The following RBFOX1 variants were observed in gnomAD, a reference collection of about 807,000 sequenced individuals.
RBFOX1 encodes the protein RNA binding fox-1 homolog 1, also known as RNA binding protein fox-1 homolog 1.
Under a neutral mutation model 57.7 loss-of-function variants are expected in RBFOX1, and 8 were observed. The observed-to-expected ratio is 0.14, with a 90% confidence interval of 0.08 to 0.25. RBFOX1 has a LOEUF of 0.25. Ranked by LOEUF, RBFOX1 falls within the 10% of genes least tolerant of loss-of-function variation. The pLI is 1.00. For missense variants in RBFOX1, 611 were observed against 548.5 expected (o/e 1.11, Z -1.14); for synonymous variants, 326 against 222.4 (o/e 1.47, Z -4.15).
intron 1 of RBFOX1, among the ~76,000 whole-genome samples, chr16:6,234,145 A>T (rs2152911750): frequency 6.6e-6 from 1 of 152,182 alleles, no homozygotes; most frequent in Non-Finnish European, 1.5e-5. Context: ...TCACCTCTTA[A>T]AGCCCCCACC....
At chr16:6,925,017 T>G (rs2075280457) in intron 3 of RBFOX1, among the ~76,000 whole-genome samples, 1 of 149,410 alleles carries the variant, frequency 6.7e-6, no homozygotes, top group African/African-American at 2.5e-5. Flanking sequence ...GGACATGAAC[T>G]CATCATTTTT....
chr16:5,659,381 G>A (rs1195307971), intron 3 of RBFOX1, among the ~76,000 whole-genome samples: 1 of 147,470 alleles, frequency 6.8e-6, no homozygotes, highest in African/African-American at 2.5e-5. Flanking sequence ...CCCGCTCACT[G>A]CAACCTCTGC....
chr16:5,920,334 A>G (rs746231633), intron 4 of RBFOX1, among the ~76,000 whole-genome samples: 8 of 151,988 alleles, frequency 5.3e-5, no homozygotes, highest in Non-Finnish European at 7.4e-5. Flanking sequence ...GAGAGATCCT[A>G]CTTTGTTTAT....
intron 4 of RBFOX1, among the ~76,000 whole-genome samples, chr16:7,064,700 C>T (rs565468081): frequency 6.6e-5 from 10 of 152,232 alleles, no homozygotes; most frequent in East Asian, 1.9e-4. Flanking sequence ...CCCTAGCAAA[C>T]GCACATCTAA....
intron 4 of RBFOX1, among the ~76,000 whole-genome samples, chr16:5,903,630 C>A (rs112895114): frequency 6.6e-6 from 1 of 152,094 alleles, no homozygotes; most frequent in African/African-American, 2.4e-5. Flanking sequence ...TATGAGAACT[C>A]AGAGGCTGAA....
intron 1 of RBFOX1, among the ~76,000 whole-genome samples, chr16:5,462,459 C>T (rs1233920814): frequency 2.0e-5 from 3 of 152,206 alleles, no homozygotes; most frequent in East Asian, 1.9e-4. Flanking sequence ...TGAGCCACCG[C>T]GCCCGGCCGA....
intron 5 of RBFOX1, among the ~76,000 whole-genome samples, chr16:7,538,760 T>G (rs138568213): frequency 2.6e-5 from 4 of 152,296 alleles, no homozygotes; most frequent in African/African-American, 9.6e-5. Flanking sequence ...TTGGTACATA[T>G]ACCACTTGGA....
At chr16:7,605,417 C>T (rs370861913) in intron 9 of RBFOX1, among the ~76,000 whole-genome samples, 1 of 152,156 alleles carries the variant, frequency 6.6e-6, no homozygotes, top group Admixed American at 6.6e-5. Flanking sequence ...ATTAAATATG[C>T]CTCCCAGGTA....
At chr16:5,520,470 G>C (rs2043971136) in intron 2 of RBFOX1, among the ~76,000 whole-genome samples, 1 of 152,144 alleles carries the variant, frequency 6.6e-6, no homozygotes, top group African/African-American at 2.4e-5. Flanking sequence ...TCTACATCTG[G>C]CTGATGAACT....
At chr16:5,956,739 G>A (rs1391548937) in intron 4 of RBFOX1, among the ~76,000 whole-genome samples, 2 of 144,782 alleles carry the variant, frequency 1.4e-5, no homozygotes, top group African/African-American at 5.1e-5. Flanking sequence ...CACAATCATG[G>A]CTCACTGCAG....
rs115005734 is a variant in RBFOX1, at chr16:6,801,478, G to C, written c.-16+146828G>C. ...CCTAATAGCAAATATAAAGATTATTGAGCCAGTTTATAGTGACTCAATAAA... is the reference window on the plus strand; with the variant it reads ...CCTAATAGCAAATATAAAGATTATTCAGCCAGTTTATAGTGACTCAATAAA... On this transcript the variant is annotated intron_variant, in intron 3 of 15. Transcript: ENST00000550418. 6.0e-3 allele frequency among the ~76,000 whole-genome samples: 920 copies of C among 152,188 alleles called. 20 individuals are homozygous for C. The highest frequency in any genetic ancestry group is 0.021 in the African/African-American group (891 of 41,508).
chr16:6,519,882 C>T (rs958507374), intron 2 of RBFOX1, among the ~76,000 whole-genome samples: 5 of 152,190 alleles, frequency 3.3e-5, no homozygotes, highest in African/African-American at 9.7e-5. Flanking sequence ...ACTAAGGCAA[C>T]TGATATATAC....
At chr16:7,474,785 G>T (rs571450876) in intron 4 of RBFOX1, among the ~76,000 whole-genome samples, 1 of 152,196 alleles carries the variant, frequency 6.6e-6, no homozygotes, top group African/African-American at 2.4e-5. Flanking sequence ...GATTAGATGA[G>T]TATAAAGCGT....
At chr16:5,784,614 A>G (rs947183787) in intron 3 of RBFOX1, among the ~76,000 whole-genome samples, 2 of 152,124 alleles carry the variant, frequency 1.3e-5, no homozygotes, top group Non-Finnish European at 2.9e-5. Context: ...CTCACCTCCC[A>G]TCTGGCCCCA....
chr16:6,995,643 C>G (rs1457713507), intron 3 of RBFOX1, among the ~76,000 whole-genome samples: 2 of 152,032 alleles, frequency 1.3e-5, no homozygotes, highest in Admixed American at 6.6e-5. Flanking sequence ...GCTTGTAATC[C>G]CAGCTACTCA....
At chr16:7,069,033 G>C (rs560287886) in intron 4 of RBFOX1, among the ~76,000 whole-genome samples, 1 of 152,318 alleles carries the variant, frequency 6.6e-6, no homozygotes, top group South Asian at 2.1e-4. Flanking sequence ...ACACATGAAT[G>C]AATGAGTGAA....
intron 1 of RBFOX1, among the ~76,000 whole-genome samples, chr16:5,449,691 C>A (rs185810587): frequency 2.0e-5 from 3 of 152,286 alleles, no homozygotes; most frequent in African/African-American, 7.2e-5. Flanking sequence ...TCACTGCAAC[C>A]GCAAACTCCT....
intron 3 of RBFOX1, among the ~76,000 whole-genome samples, chr16:6,904,437 C>A (rs182333265): frequency 6.6e-6 from 1 of 151,492 alleles, no homozygotes; most frequent in Admixed American, 6.6e-5. Context: ...CTCCTGTCCA[C>A]TGAAAGTACA....
intron 15 of RBFOX1, chr16:7,710,180 TTAAG>T (rs1333473626): frequency 2.7e-5 from 28 of 1,023,124 alleles, no homozygotes; most frequent in Non-Finnish European, 3.2e-5. Flanking sequence ...CAGAGCCAAG[TTAAG>T]TAAGAAGTAG....
Sources: gnomAD v4.1 joint callset for allele counts (sites outside exome capture counted in the v4.1 genomes callset) on GRCh38, gnomAD v4.1.1 for gene constraint, MANE v1.5 for transcripts, NCBI Gene and HGNC (gene_info 2026-07-23, HGNC 2026-07-21) for gene names.